The following SLC7A7 variants were observed in gnomAD, a reference collection of about 807,000 sequenced individuals.
SLC7A7 encodes the protein solute carrier family 7 member 7.
Under a neutral mutation model 47.9 loss-of-function variants are expected in SLC7A7, and 39 were observed. The ratio of observed to expected loss-of-function variants is 0.81; its 90% CI spans 0.63 to 1.06. The LOEUF is 1.06. SLC7A7 is among the 50% of genes least tolerant of loss of function. The probability of loss-of-function intolerance (pLI) is 0.00; values close to 1 mark genes in which losing one functional copy is unlikely to be tolerated. For missense variants in SLC7A7, 588 were observed against 632.0 expected, an observed-to-expected ratio of 0.93 and a Z score of 0.75; for synonymous variants, 234 against 242.8, an observed-to-expected ratio of 0.96 and a Z score of 0.34.
upstream of SLC7A7, among the ~76,000 whole-genome samples, chr14:22,819,024 A>C (rs2039443163): frequency 6.6e-6 from 1 of 152,198 alleles, no homozygotes; most frequent in South Asian, 2.1e-4. Flanking sequence ...AGCTTGTGGA[A>C]GAAATTTGAT....
chr14:22,785,148 G>A (rs950898514), intron 2 of SLC7A7, among the ~76,000 whole-genome samples: 10 of 151,866 alleles, frequency 6.6e-5, no homozygotes, highest in African/African-American at 2.2e-4. Context: ...GTGTGGTGGC[G>A]CATGCCTGTA....
intron 2 of SLC7A7, among the ~76,000 whole-genome samples, chr14:22,801,494 G>A (rs1173260414): frequency 6.6e-6 from 1 of 152,042 alleles, no homozygotes; most frequent in Non-Finnish European, 1.5e-5. Context: ...TTAAAACCCT[G>A]TATCAGAGGC....
intron 2 of SLC7A7, among the ~76,000 whole-genome samples, chr14:22,796,075 G>A (rs560612381): frequency 6.6e-6 from 1 of 152,180 alleles, no homozygotes; most frequent in African/African-American, 2.4e-5. Flanking sequence ...TATTTCTTGA[G>A]GTGAATATGG....
upstream of SLC7A7, chr14:22,815,628 C>G (rs1388377568): frequency 6.6e-6 from 3 of 453,956 alleles, no homozygotes; most frequent in East Asian, 6.9e-5. Context: ...AGAAGGTGCT[C>G]TCTCAGGAAT....
At chr14:22,812,790 T>TA (rs2039333595) in intron 2 of SLC7A7, 110 bp downstream of exon 2, 1 of 772,416 alleles carries the variant, frequency 1.3e-6, no homozygotes, top group South Asian at 2.0e-5. Flanking sequence ...TATATATATA[T>TA]ATGTTGTCAG....
intron 2 of SLC7A7, among the ~76,000 whole-genome samples, chr14:22,795,388 T>TGCTTGCTTGC (rs751197653): frequency 0.012 from 488 of 40,824 alleles, 31 homozygotes; most frequent in Middle Eastern, 0.03. Flanking sequence ...CTTGCTTGCT[T>TGCTTGCTTGC]TCTTTCTTTC....
At chr14:22,796,057 T>C (rs1341959090) in intron 2 of SLC7A7, among the ~76,000 whole-genome samples, 1 of 152,146 alleles carries the variant, frequency 6.6e-6, no homozygotes, top group Non-Finnish European at 1.5e-5. Context: ...AAGGCTCTGA[T>C]GAAAGCCTAT....
intron 7 of SLC7A7, among the ~76,000 whole-genome samples, chr14:22,775,001 A>G (rs142175904): frequency 7.5e-4 from 114 of 152,146 alleles, no homozygotes; most frequent in Middle Eastern, 3.4e-3. Context: ...TTCTGATGCT[A>G]TTTCTCCTAC....
At position 22,778,936 on chromosome 14, in the gene SLC7A7, T is replaced by C; in HGVS notation, c.627A>G (p.Gly209=). The C allele has an allele frequency of 5.0e-6, 8 of 1,613,918 alleles. No homozygotes were observed. Among genetic ancestry groups the C allele is most frequent in the Non-Finnish European group, 6.8e-6 (8 of 1,180,020 alleles). Residue 209 remains glycine, a splice_region_variant and synonymous_variant, in exon 4 of 10, where the codon GGA becomes GGG. Transcript: ENST00000674313. The stretch of plus-strand genomic sequence containing the variant: ...AGGAATTCTCAAAATGAGTAGAGGC[T>C]CCTGGAACCCAAGAACATTGGAAGG... ...IVAGIVRLGQ[G]ASTHFENSFE...
intron 2 of SLC7A7, among the ~76,000 whole-genome samples, chr14:22,805,341 G>A (rs981264085): frequency 6.6e-6 from 1 of 152,196 alleles, no homozygotes; most frequent in African/African-American, 2.4e-5. Flanking sequence ...TTCCAGCCTA[G>A]GTGACAGAGC....
Position 22,776,335 on chromosome 14 carries a change from TA to T in SLC7A7, c.771-18del, listed in dbSNP as rs746039151. 3 of 1,614,020 alleles carry T rather than the reference TA, an allele frequency of 1.9e-6. No individual in the cohort carries two copies. The highest frequency in any genetic ancestry group is 1.3e-5 in the African/African-American group (1 of 74,914). On this transcript the variant is annotated intron_variant, in intron 4 of 9. Transcript: ENST00000674313. Reference sequence around the variant, plus strand: ...GGCAGGTTCCTACAGCCAAATAGAATAAAATGCACATTAGTCCCACAGTCAT... The same window carrying T: ...GGCAGGTTCCTACAGCCAAATAGAATAAATGCACATTAGTCCCACAGTCAT...
chr14:22,775,295 G>A (rs904330565), intron 7 of SLC7A7, 149 bp downstream of exon 7: 6 of 756,438 alleles, frequency 7.9e-6, no homozygotes, highest in African/African-American at 5.1e-5. Flanking sequence ...GGTTAGCATA[G>A]TGCCTTGCCC....
chr14:22,819,019 G>A (rs1191680204), upstream of SLC7A7, among the ~76,000 whole-genome samples: 1 of 152,160 alleles, frequency 6.6e-6, no homozygotes, highest in East Asian at 1.9e-4. Context: ...CCTACAGCTT[G>A]TGGAAGAAAT....
Position 22,813,097 on chromosome 14 carries a change from C to G in SLC7A7, c.302G>C (p.Gly101Ala), listed in dbSNP as rs2039344395. ...CTCCAGGATATAGGCATAGCTGGCC[C>G]CAGATTTCTTAATGGTGGTGCCCAG... ...AELGTTIKKS[G>A]ASYAYILEAF... Residue 101 changes from glycine to alanine, a missense_variant, in exon 2 of 10, where the codon GGG becomes GCG. By Grantham distance (60) the Gly-to-Ala change is moderately conservative (BLOSUM62 0). Transcript: ENST00000674313. 3 of 1,614,014 alleles carry G rather than the reference C, an allele frequency of 1.9e-6. No homozygotes were observed. Among genetic ancestry groups the G allele is most frequent in the African/African-American group, 1.3e-5 (1 of 74,876 alleles).
At chr14:22,816,894 C>T (rs970836897), upstream of SLC7A7, among the ~76,000 whole-genome samples, 2 of 152,046 alleles carry the variant, frequency 1.3e-5, no homozygotes, top group African/African-American at 2.4e-5. Flanking sequence ...TCTCCCAAGA[C>T]AGGCTCACAA....
intron 3 of SLC7A7, among the ~76,000 whole-genome samples, chr14:22,779,686 C>T (rs1013310629): frequency 4.6e-5 from 7 of 152,014 alleles, no homozygotes; most frequent in African/African-American, 1.7e-4. Flanking sequence ...AACTCCTGAC[C>T]TCATGGATCC....
chr14:22,803,273 G>A (rs1422408545), intron 2 of SLC7A7, among the ~76,000 whole-genome samples: 1 of 152,102 alleles, frequency 6.6e-6, no homozygotes, highest in East Asian at 1.9e-4. Flanking sequence ...ACCAAAATTA[G>A]CCAGGCACAG....
intron 2 of SLC7A7, among the ~76,000 whole-genome samples, chr14:22,806,255 G>T (rs1350519517): frequency 1.6e-5 from 2 of 124,512 alleles, no homozygotes; most frequent in Non-Finnish European, 3.2e-5. Flanking sequence ...GAGTGCAATG[G>T]TGCAATCTCG....
At chr14:22,784,490 T>C (rs923492019) in intron 2 of SLC7A7, among the ~76,000 whole-genome samples, 6 of 151,964 alleles carry the variant, frequency 3.9e-5, no homozygotes, top group African/African-American at 1.5e-4. Flanking sequence ...TGGTGGTGTG[T>C]GCCTGTAGTC....
Sources: allele counts gnomAD v4.1 joint callset (sites outside exome capture counted in the v4.1 genomes callset), GRCh38; gene constraint gnomAD v4.1.1; transcripts MANE v1.5; gene names NCBI Gene and HGNC (gene_info 2026-07-23, HGNC 2026-07-21).